Variants in NTN5 observed in about 807,000 individuals in gnomAD.
The protein encoded by NTN5 is netrin-5.
Under a neutral mutation model 38.7 loss-of-function variants are expected in NTN5, and 42 were observed. The observed-to-expected ratio is 1.08, with a 90% confidence interval of 0.85 to 1.40. The LOEUF (loss-of-function observed/expected upper bound fraction) is 1.40. Ranked by LOEUF, NTN5 falls within the 40% of genes most tolerant of loss-of-function variation. The pLI is 0.00. For synonymous variants in NTN5, 329 were observed against 303.9 expected, an observed-to-expected ratio of 1.08 and a Z score of -0.86; for missense variants, 658 against 716.5, an observed-to-expected ratio of 0.92 and a Z score of 0.93.
intron 2 of NTN5, among the ~76,000 whole-genome samples, chr19:48,670,017 C>T (rs1237538683): frequency 7.4e-6 from 1 of 134,840 alleles, no homozygotes. Context: ...ACCATCATCA[C>T]CACCACCATC....
intron 6 of NTN5, among the ~76,000 whole-genome samples, 178 bp from the exon 7 acceptor site, chr19:48,662,219 C>G (rs2031569827): frequency 6.6e-6 from 1 of 152,006 alleles, no homozygotes; most frequent in Non-Finnish European, 1.5e-5. Context: ...AGGGGTAGAG[C>G]CTGCTGGAGG....
At position 48,661,729 on chromosome 19, in the gene NTN5, C is replaced by G; in HGVS notation, c.1418G>C (p.Gly473Ala). 3 of 1,545,938 alleles carry G rather than the reference C, an allele frequency of 1.9e-6. No individual in the cohort carries two copies. The highest frequency in any genetic ancestry group is 2.6e-6 in the Non-Finnish European group (3 of 1,156,550). ...LKRLQQEERA[G>A]GCRGVRAPTP... ...GGGTGCCCGCACGCCGCGGCAGCCT[C>G]CGGCGCGCTCCTCCTGCTGCAGCCG... is the stretch of plus-strand genomic sequence containing the variant. Residue 473 changes from glycine to alanine, a missense_variant, in exon 7 of 7, where the codon GGA becomes GCA. Gly to Ala is a moderately conservative substitution (Grantham distance 60). Transcript: ENST00000270235.
rs2031625675 is a variant in NTN5 at position 48,664,154 on chromosome 19, A to T, written c.959T>A (p.Met320Lys). 6.2e-7 allele frequency: 1 copy of T among 1,607,114 alleles called. No homozygotes were observed. The highest frequency in any genetic ancestry group is 1.7e-5 in the Admixed American group (1 of 58,644). The change falls in exon 4 of 7, where the codon ATG becomes AAG. Residue 320 changes from methionine (M) to lysine (K), a missense_variant. Met to Lys is a moderately conservative substitution (Grantham distance 95). Transcript: ENST00000270235. Reference sequence around the variant, plus strand: ...CCCTCAAGACTTACGCTGGCAGGGCATCCTGGGGGAGCGGCTCTGCTGGTA... The same window carrying T: ...CCCTCAAGACTTACGCTGGCAGGGCTTCCTGGGGGAGCGGCTCTGCTGGTA... ...PGYQQSRSPR[M>K]PCQRIPEATT...
chr19:48,669,807 T>TCATCAC (rs1356062263), intron 2 of NTN5, among the ~76,000 whole-genome samples: 1 of 41,266 alleles, frequency 2.4e-5, no homozygotes, highest in African/African-American at 7.3e-5. Context: ...ATCACCACCA[T>TCATCAC]CATCACCATC....
rs555777688 is a variant in NTN5, at chr19:48,670,732, T to C, written c.255A>G (p.Pro85=). 32 of 1,612,816 alleles carry C rather than the reference T, an allele frequency of 2.0e-5. No homozygotes were observed. The African/African-American group carries it at 3.1e-4, about 15-fold the overall frequency. ...CAGACAGGATGAGGGCTGGGGGTCC[T>C]GGGGTACAGAAGCGCAAGCTGACAG... ...LTSVSLRFCT[P]GPPALILSAA... Residue 85 remains proline (P), a synonymous_variant, in exon 2 of 7, where the codon CCA becomes CCG. Coordinates refer to ENST00000270235, the MANE Select transcript of NTN5 (RefSeq NM_145807.4).
At position 48,661,728 on chromosome 19, in the gene NTN5, T is replaced by C. The variant is rs764499894; in HGVS notation, c.1419A>G (p.Gly473=). Residue 473 remains glycine, a synonymous_variant, in exon 7 of 7, where the codon GGA becomes GGG. Coordinates refer to ENST00000270235, the MANE Select transcript of NTN5 (RefSeq NM_145807.4). ...TGGGTGCCCGCACGCCGCGGCAGCCTCCGGCGCGCTCCTCCTGCTGCAGCC... is the reference window on the plus strand; with the variant it reads ...TGGGTGCCCGCACGCCGCGGCAGCCCCCGGCGCGCTCCTCCTGCTGCAGCC... ...LKRLQQEERA[G]GCRGVRAPTP... 1.1e-5 allele frequency: 17 copies of C among 1,545,478 alleles called. No homozygotes were observed. The highest frequency in any genetic ancestry group is 2.8e-5 in the African/African-American group (2 of 70,486).
chr19:48,670,958 A>T lies in NTN5; in HGVS notation c.29T>A (p.Leu10His). The T allele has an allele frequency of 1.3e-6, 2 of 1,549,066 alleles. No homozygotes were observed. Among genetic ancestry groups the T allele is most frequent in the Non-Finnish European group, 1.7e-6 (2 of 1,147,130 alleles). MPVTFALLL[L>H]LGQATADPCY... ...TGGGTCCGCAGTGGCCTGGCCCAGG[A>T]GGAGCAGGAGGGCAAAGGTCACGGG... The change falls in exon 2 of 7, where the codon CTC becomes CAC. Residue 10 changes from leucine to histidine, a missense_variant. Transcript: ENST00000270235.
At chr19:48,667,804 C>T (rs771520339) in intron 2 of NTN5, among the ~76,000 whole-genome samples, 1 of 151,744 alleles carries the variant, frequency 6.6e-6, no homozygotes, top group African/African-American at 2.4e-5. Flanking sequence ...TACAGTGAGC[C>T]GAGATGGCGC....
At chr19:48,662,410 G>C (rs2031574475) in intron 6 of NTN5, 1 of 186,924 alleles carries the variant, frequency 5.3e-6, no homozygotes. Flanking sequence ...CCAGAAGAAG[G>C]AAGAGACTGG....
At chr19:48,670,274 AG>A (rs1005609575) in intron 2 of NTN5, 81 bp downstream of exon 2, 1 of 1,299,930 alleles carries the variant, frequency 7.7e-7, no homozygotes. Context: ...CAGCGAGGGA[AG>A]GGAACATCCT....
intron 1 of NTN5, among the ~76,000 whole-genome samples, chr19:48,671,903 G>A (rs969967452): frequency 9.9e-5 from 15 of 151,760 alleles, no homozygotes; most frequent in Admixed American, 9.2e-4. Flanking sequence ...AGGGATGCTG[G>A]GAGCTGGAAC....
At chr19:48,669,564 CCATCACCACCAT>C (rs2031846315) in intron 2 of NTN5, among the ~76,000 whole-genome samples, 2 of 8,712 alleles carry the variant, frequency 2.3e-4, no homozygotes, top group African/African-American at 1.5e-3. Context: ...ATCACCACCA[CCATCACCACCAT>C]CACCACCACG....
chr19:48,664,076 C>T, intron 4 of NTN5, 67 bp downstream of exon 4: 3 of 1,510,096 alleles, frequency 2.0e-6, no homozygotes, highest in Non-Finnish European at 8.9e-7. Context: ...TGCAGCTGTG[C>T]ACTGGAGACC....
At position 48,670,872 on chromosome 19, in the gene NTN5, C is replaced by G. The variant is rs553526313; in HGVS notation, c.115G>C (p.Val39Leu). Residue 39 changes from valine to leucine, a missense_variant, in exon 2 of 7, where the codon GTG becomes CTG. Transcript: ENST00000270235. Reference protein sequence around the residue: ...CLPPVTQLAAVAASCPQACAL... With the variant: ...CLPPVTQLAALAASCPQACAL... ...CAGGCCTGAGGGCAGGAGGCCGCCA[C>G]GGCAGCCAGCTGTGTCACTGGCGGG... The G allele has an allele frequency of 5.2e-5, 83 of 1,610,876 alleles. 1 individual carries two copies. Among genetic ancestry groups the G allele is most frequent in the African/African-American group, 1.3e-5 (1 of 74,884 alleles).
intron 1 of NTN5, among the ~76,000 whole-genome samples, chr19:48,671,228 C>T (rs767665165): frequency 4.6e-5 from 7 of 152,056 alleles, no homozygotes; most frequent in East Asian, 1.9e-4. Flanking sequence ...TGAACTAATC[C>T]GTAGCTTAAC....
At position 48,661,556 on chromosome 19, in the gene NTN5, G is replaced by A; in HGVS notation, c.*121C>T. ...CCTGCTCGGCGTGGGCGCAAGCATA[G>A]TGTCGTCGGGGCTCTGCGACGTCTG... On this transcript the variant is annotated 3_prime_UTR_variant, in exon 7 of 7. Transcript: ENST00000270235. The A allele has an allele frequency of 8.4e-7, 1 of 1,195,912 alleles. No homozygotes were observed. Among genetic ancestry groups the A allele is most frequent in the Non-Finnish European group, 1.1e-6 (1 of 929,780 alleles). 74.1% of individuals were successfully genotyped at this position (1,195,912 alleles called of 1,614,324 possible).
intron 6 of NTN5, chr19:48,663,141 G>C: frequency 2.0e-6 from 1 of 488,982 alleles, no homozygotes; most frequent in Non-Finnish European, 4.0e-6. Flanking sequence ...AGATAGGGAG[G>C]ACAGGGCAAG....
intron 2 of NTN5, chr19:48,667,405 TC>T: frequency 4.7e-6 from 2 of 426,796 alleles, no homozygotes; most frequent in Non-Finnish European, 9.4e-6. Flanking sequence ...CAGGACAGCC[TC>T]CCCAGCGCCC....
At chr19:48,663,203 C>T (rs1217500510) in intron 6 of NTN5, 2 of 602,100 alleles carry the variant, frequency 3.3e-6, no homozygotes, top group East Asian at 7.2e-5. Context: ...TCAGAGATGT[C>T]AGGCTGAAGG....
Sources: gnomAD v4.1 joint callset for allele counts (sites outside exome capture counted in the v4.1 genomes callset) on GRCh38, gnomAD v4.1.1 for gene constraint, MANE v1.5 for transcripts, NCBI Gene and HGNC (gene_info 2026-07-23, HGNC 2026-07-21) for gene names.